DOCK6: variants seen among roughly 807,000 people sequenced by gnomAD.
The protein encoded by DOCK6 is dedicator of cytokinesis 6, also known as dedicator of cytokinesis protein 6.
A neutral mutation model predicts 230.3 loss-of-function variants in DOCK6; 167 were observed. The ratio of observed to expected loss-of-function variants is 0.73; its 90% CI spans 0.64 to 0.82. The LOEUF is 0.82. Ranked by LOEUF, DOCK6 falls within the 40% of genes least tolerant of loss-of-function variation. The probability of loss-of-function intolerance (pLI) is 0.00; values close to 1 mark genes in which losing one functional copy is unlikely to be tolerated. For missense variants in DOCK6, 2,598 were observed against 2,825.8 expected (o/e 0.92, Z 1.83); for synonymous variants, 1,148 against 1,185.0 (o/e 0.97, Z 0.64).
At position 11,202,678 on chromosome 19, in the gene DOCK6, A is replaced by C; in HGVS notation, c.5267T>G (p.Phe1756Cys). 6.2e-7 allele frequency: 1 copy of C among 1,613,996 alleles called. No individual in the cohort carries two copies. Among genetic ancestry groups the C allele is most frequent in the Non-Finnish European group, 8.5e-7 (1 of 1,179,900 alleles). The change falls in exon 42 of 48, where the codon TTC becomes TGC. Residue 1756 changes from phenylalanine to cysteine, a missense_variant. Coordinates refer to ENST00000294618, the MANE Select transcript of DOCK6 (RefSeq NM_020812.4). This position sits in a 1 kb window ranked among gnomAD's most constrained non-coding sequence, Gnocchi z 5.3. The stretch of plus-strand genomic sequence containing the variant: ...CAGGTCACCGAAGTGGGCGCCGTAG[A>C]AGCCCACGCGGAAATACGTCCCGAA... ...RVFGTYFRVG[F>C]YGAHFGDLDE...
chr19:11,204,230 C>T lies in DOCK6; in HGVS notation c.5190G>A (p.Leu1730=). 1 of 1,572,848 alleles carries T rather than the reference C, an allele frequency of 6.4e-7. No individual in the cohort carries two copies. Among genetic ancestry groups the T allele is most frequent in the Non-Finnish European group, 8.6e-7 (1 of 1,157,478 alleles). ...YKKLAAVHGK[L]QEAFTKIMHQ... ...GCATGATCTTGGTGAAGGCCTCCTG[C>T]AGTTTGCCGTGCACCGCGGCCAGCT... Residue 1730 remains leucine (L), a synonymous_variant, in exon 40 of 48, where the codon CTG becomes CTA. Coordinates refer to ENST00000294618, the MANE Select transcript of DOCK6 (RefSeq NM_020812.4).
Position 11,237,727 on chromosome 19 carries a change from C to T in DOCK6, c.1885G>A (p.Glu629Lys). ...AAGGTGAACAGCAGGTGATGGTTCT[C>T]TGTCACGCAGGCTGGAAGATGCAGC... ...FKLHLPACVT[E>K]NHHLLFTFYH... Residue 629 changes from glutamate to lysine, a missense_variant, in exon 17 of 48, where the codon GAG becomes AAG. By Grantham distance (56) the Glu-to-Lys change is moderately conservative. Transcript: ENST00000294618. 1.3e-6 allele frequency: 2 copies of T among 1,582,890 alleles called. No homozygotes were observed. The highest frequency in any genetic ancestry group is 2.3e-5 in the South Asian group (2 of 86,214).
chr19:11,214,242 T>TA (rs1474559240), intron 34 of DOCK6, 33 bp downstream of exon 34: 1 of 1,569,786 alleles, frequency 6.4e-7, no homozygotes, highest in Admixed American at 1.9e-5. Flanking sequence ...GCTACTGTTT[T>TA]TCTAAGAATC....
chr19:11,202,495 G>C lies in DOCK6; in HGVS notation c.5362-12C>G. 1 of 1,612,526 alleles carries C rather than the reference G, an allele frequency of 6.2e-7. No individual in the cohort carries two copies. Among genetic ancestry groups the C allele is most frequent in the Non-Finnish European group, 8.5e-7 (1 of 1,179,186 alleles). ...TCCGTGTAGAACTCCTGGAGACACA[G>C]GGCTGACTCGGGGCCACCCAGGGAC... On this transcript the variant is annotated splice_polypyrimidine_tract_variant and intron_variant, in intron 42 of 47. Coordinates refer to ENST00000294618, the MANE Select transcript of DOCK6 (RefSeq NM_020812.4). The surrounding 1 kb of genome is among the most constrained non-coding windows in gnomAD (Gnocchi z 5.3).
At chr19:11,205,639 A>G (rs8110823) in intron 39 of DOCK6, among the ~76,000 whole-genome samples, 98,009 of 150,984 alleles carry the variant, frequency 0.65, 32,247 homozygotes, top group African/African-American at 0.77. Context: ...CACTGCACCC[A>G]GCCATATTTG....
In DOCK6 at chr19:11,200,160, C is replaced by CAA. The variant is rs967826229; in HGVS notation, c.6101+146_6101+147dup. 1.2e-4 allele frequency: 74 copies of CAA among 621,154 alleles called. No homozygotes were observed. The highest frequency in any genetic ancestry group is 1.3e-4 in the African/African-American group (6 of 46,422). The allele number at this position is 621,154 out of a possible 1,614,324, so 38.5% of individuals were successfully genotyped here. A position where few individuals can be genotyped will look rare whatever the true frequency, so the allele number is the denominator to read the frequency against. Reference sequence around the variant, plus strand: ...AGGGAGAGTCTCTCAAAAAAAAAAACAAAAAAAAAACCGGAAACAAAACAA... The same window carrying CAA: ...AGGGAGAGTCTCTCAAAAAAAAAAACAAAAAAAAAAAACCGGAAACAAAACAA... On this transcript the variant is annotated intron_variant, in intron 47 of 47. Coordinates refer to ENST00000294618, the MANE Select transcript of DOCK6 (RefSeq NM_020812.4). The surrounding 1 kb of genome is among the most constrained non-coding windows in gnomAD (Gnocchi z 4.3).
At chr19:11,256,350 C>T (rs1264543805) in intron 1 of DOCK6, among the ~76,000 whole-genome samples, 1 of 152,164 alleles carries the variant, frequency 6.6e-6, no homozygotes, top group East Asian at 1.9e-4. Flanking sequence ...GGAGGAGGGA[C>T]GGCTGGGCCT....
rs1276968874 is a variant in DOCK6, at chr19:11,202,963, A to G, written c.5236-254T>C. Among the ~76,000 whole-genome samples, 1 of 152,186 alleles carries G rather than the reference A, an allele frequency of 6.6e-6. No individual in the cohort carries two copies. Among genetic ancestry groups the G allele is most frequent in the African/African-American group, 2.4e-5 (1 of 41,446 alleles). ...TATACAGCAGGTACCCAATACATGC[A>G]TAGATGGCTGAGGAGAGGGATGGCT... On this transcript the variant is annotated intron_variant, in intron 41 of 47. Coordinates refer to ENST00000294618, the MANE Select transcript of DOCK6 (RefSeq NM_020812.4). The surrounding 1 kb of genome is among the most constrained non-coding windows in gnomAD (Gnocchi z 5.3).
chr19:11,215,613 G>C, intron 31 of DOCK6, 142 bp from the exon 32 acceptor site: 1 of 1,271,224 alleles, frequency 7.9e-7, no homozygotes, highest in South Asian at 1.3e-5. Context: ...CCGGGTGGAC[G>C]CACAGGGGCA....
intron 39 of DOCK6, among the ~76,000 whole-genome samples, chr19:11,205,509 C>CT (rs1023530047): frequency 1.3e-5 from 2 of 152,172 alleles, no homozygotes; most frequent in African/African-American, 2.4e-5. Context: ...CGCCCAGCTA[C>CT]TTTTTTTGCA....
chr19:11,214,239 TTTTTC>T (rs1234659470), intron 34 of DOCK6, 31 bp downstream of exon 34: 1 of 1,566,184 alleles, frequency 6.4e-7, no homozygotes, highest in African/African-American at 1.4e-5. Context: ...GCTGCTACTG[TTTTTC>T]TAAGAATCAT....
chr19:11,201,823 C>CG lies in DOCK6; in HGVS notation c.5688+65_5688+66insC. ...TCTGGGTCCCTGTGTCTACCCTCCC[C>CG]TCCCCTCCCAGGGTCTGATGTCCCC... On this transcript the variant is annotated intron_variant, in intron 44 of 47. Transcript: ENST00000294618. The surrounding 1 kb of genome is among the most constrained non-coding windows in gnomAD (Gnocchi z 4.3). 2 of 1,354,392 alleles carry CG rather than the reference C, an allele frequency of 1.5e-6. No individual in the cohort carries two copies. The highest frequency in any genetic ancestry group is 1.4e-5 in the African/African-American group (1 of 69,282). 83.9% of individuals were successfully genotyped at this position (1,354,392 alleles called of 1,614,324 possible). A position where few individuals can be genotyped will look rare whatever the true frequency, so the allele number is the denominator to read the frequency against.
chr19:11,208,316 T>C (rs1407356315), intron 39 of DOCK6: 1 of 150,724 alleles, frequency 6.6e-6, no homozygotes, highest in African/African-American at 2.6e-5. Context: ...AGTCTCACTC[T>C]GTCACCTAGG....
In DOCK6 at chr19:11,201,194, G is replaced by C; in HGVS notation, c.5689-142C>G. On this transcript the variant is annotated intron_variant, in intron 44 of 47. Coordinates refer to ENST00000294618, the MANE Select transcript of DOCK6 (RefSeq NM_020812.4). This position sits in a 1 kb window ranked among gnomAD's most constrained non-coding sequence, Gnocchi z 4.3. ...TGAACAGAATCTGGGGGCCTTCCTGGGTCTGACTCTGGGGGGGTCCAGCCT... is the reference window on the plus strand; with the variant it reads ...TGAACAGAATCTGGGGGCCTTCCTGCGTCTGACTCTGGGGGGGTCCAGCCT... 9.0e-7 allele frequency: 1 copy of C among 1,105,708 alleles called. No homozygotes were observed. The highest frequency in any genetic ancestry group is 1.3e-6 in the Non-Finnish European group (1 of 775,278). 68.5% of individuals were successfully genotyped at this position (1,105,708 alleles called of 1,614,324 possible).
In DOCK6 at chr19:11,252,180, A is replaced by G; in HGVS notation, c.446T>C (p.Leu149Pro). Residue 149 changes from leucine (L) to proline (P), a missense_variant, in exon 5 of 48, where the codon CTC becomes CCC. Physicochemically the swap from Leu to Pro is moderately conservative, Grantham distance 98 (BLOSUM62 -3). Coordinates refer to ENST00000294618, the MANE Select transcript of DOCK6 (RefSeq NM_020812.4). ...TDTQRERQKGLPRQVFEQDAS... is the reference protein window; with the variant it reads ...TDTQRERQKGPPRQVFEQDAS... ...ATCCTGCTCAAAGACCTGGCGGGGG[A>G]GGCCCTTCTGTCGCTCCCGCTGTGT... The G allele has an allele frequency of 6.3e-7, 1 of 1,583,140 alleles. No individual in the cohort carries two copies. The highest frequency in any genetic ancestry group is 8.6e-7 in the Non-Finnish European group (1 of 1,164,958).
intron 14 of DOCK6, chr19:11,241,537 G>T: frequency 1.3e-6 from 2 of 1,553,144 alleles, no homozygotes; most frequent in Non-Finnish European, 1.7e-6. Flanking sequence ...AGCATCGGCT[G>T]CGACAGATCC....
chr19:11,246,530 G>T (rs1473873904), intron 7 of DOCK6, among the ~76,000 whole-genome samples: 1 of 151,940 alleles, frequency 6.6e-6, no homozygotes, highest in Non-Finnish European at 1.5e-5. Flanking sequence ...TCCCAAAGTG[G>T]TGGGATTACA....
rs1414067751 is a variant in DOCK6 at position 11,252,944 on chromosome 19, T to C, written c.147A>G (p.Glu49=). 2 of 1,607,808 alleles carry C rather than the reference T, an allele frequency of 1.2e-6. No individual in the cohort carries two copies. Among genetic ancestry groups the C allele is most frequent in the Admixed American group, 3.4e-5 (2 of 58,752 alleles). Residue 49 remains glutamate, a synonymous_variant, in exon 3 of 48, where the codon GAA becomes GAG. Coordinates refer to ENST00000294618, the MANE Select transcript of DOCK6 (RefSeq NM_020812.4). ...CCTCAAAGTCCAGGGGCTCGACAAC[T>C]TCAGTCAGTGGGACCTGGATTGGAG... ...CSSSLGVPLT[E]VVEPLDFEDV... is the part of the protein sequence containing the mutation.
intron 14 of DOCK6, chr19:11,239,925 G>A (rs368144125): frequency 1.9e-4 from 308 of 1,583,472 alleles, no homozygotes; most frequent in Non-Finnish European, 2.3e-4. Flanking sequence ...CAAGCCTGTT[G>A]GAGACTCAGG....
Sources: allele counts gnomAD v4.1 joint callset (sites outside exome capture counted in the v4.1 genomes callset), GRCh38; gene constraint gnomAD v4.1.1; non-coding constraint Gnocchi (gnomAD v3.1); transcripts MANE v1.5; gene names NCBI Gene and HGNC (gene_info 2026-07-23, HGNC 2026-07-21).